Variants in ROR1 observed in about 807,000 individuals in gnomAD.
The protein encoded by ROR1 is inactive tyrosine-protein kinase transmembrane receptor ROR1.
Under a neutral mutation model 78.8 loss-of-function variants are expected in ROR1, and 19 were observed. That is an observed-to-expected ratio of 0.24 (90% confidence interval 0.17 to 0.35). The LOEUF is 0.35. Among genes scored for constraint, ROR1 ranks in the 10% least tolerant of loss-of-function variants. The pLI is 1.00. For missense variants in ROR1, 917 were observed against 1,177.8 expected (o/e 0.78, Z 3.24); for synonymous variants, 386 against 433.6 (o/e 0.89, Z 1.36).
chr1:64,000,556 C>T (rs915756331), intron 1 of ROR1, among the ~76,000 whole-genome samples: 1 of 152,152 alleles, frequency 6.6e-6, no homozygotes, highest in African/African-American at 2.4e-5. Context: ...CTAAGGAGAT[C>T]CTGCCTCCTT....
At chr1:63,977,261 C>T (rs926079309) in intron 1 of ROR1, among the ~76,000 whole-genome samples, 1 of 152,180 alleles carries the variant, frequency 6.6e-6, no homozygotes, top group Non-Finnish European at 1.5e-5. Flanking sequence ...CATATCAACA[C>T]CTTACACACA....
intron 2 of ROR1, among the ~76,000 whole-genome samples, chr1:64,037,547 G>A (rs1275773468): frequency 1.3e-5 from 2 of 152,104 alleles, no homozygotes; most frequent in East Asian, 3.9e-4. Context: ...AACTGGCTAG[G>A]CTCTATGGTT....
chr1:64,142,442 G>C lies in ROR1; in HGVS notation c.966G>C (p.Arg322=), dbSNP rs1649346600. The change falls in exon 7 of 9, where the codon CGG becomes CGC. Residue 322 remains arginine (R), a synonymous_variant. Transcript: ENST00000371079. ...ATAACAGCACAGGTGTGGACTACCGGGGGACCGTCAGTGTGACCAAATCAG... is the reference window on the plus strand; with the variant it reads ...ATAACAGCACAGGTGTGGACTACCGCGGGACCGTCAGTGTGACCAAATCAG... ...KCYNSTGVDY[R]GTVSVTKSGR... The C allele has an allele frequency of 6.2e-7, 1 of 1,613,970 alleles. No individual in the cohort carries two copies. The highest frequency in any genetic ancestry group is 1.3e-5 in the African/African-American group (1 of 74,894).
In ROR1 at chr1:64,140,430, A is replaced by T. The variant is rs1483129029; in HGVS notation, c.928+4A>T. On this transcript the variant is annotated splice_donor_region_variant and intron_variant, in intron 6 of 8. Transcript: ENST00000371079. ...ATGGCAGATCCTATAAATAAAAGTA[A>T]GTGGTAGCCCCTGACCTTCTGTGCT... 5 of 1,611,948 alleles carry T rather than the reference A, an allele frequency of 3.1e-6. No homozygotes were observed. The South Asian group carries it at 5.5e-5, about 18-fold the overall frequency.
chr1:64,172,485 T>C (rs1256180045), intron 8 of ROR1, among the ~76,000 whole-genome samples: 1 of 152,216 alleles, frequency 6.6e-6, no homozygotes, highest in African/African-American at 2.4e-5. Flanking sequence ...ACTGAAAGCC[T>C]GTTTCAGTTT....
chr1:63,943,053 G>A (rs855935), intron 1 of ROR1, among the ~76,000 whole-genome samples: 108,784 of 147,264 alleles, frequency 0.74, 41,287 homozygotes, highest in East Asian at 0.94. Context: ...TTACACCACC[G>A]CTGCACTCCA....
At chr1:63,920,649 T>C (rs1645646905) in intron 1 of ROR1, among the ~76,000 whole-genome samples, 1 of 152,172 alleles carries the variant, frequency 6.6e-6, no homozygotes, top group Non-Finnish European at 1.5e-5. Context: ...CTGCCAAACA[T>C]AGTTTACATA....
chr1:64,105,042 C>CT (rs1359754979), intron 4 of ROR1, among the ~76,000 whole-genome samples: 2 of 152,218 alleles, frequency 1.3e-5, no homozygotes, highest in Non-Finnish European at 2.9e-5. Context: ...GCTGTACTGT[C>CT]TTCCACAATG....
At chr1:63,966,530 T>C (rs1048146912) in intron 1 of ROR1, among the ~76,000 whole-genome samples, 12 of 152,144 alleles carry the variant, frequency 7.9e-5, no homozygotes, top group Non-Finnish European at 1.8e-4. Context: ...TAGTCTAAGG[T>C]GAGTTTTTAC....
chr1:63,953,210 T>C (rs1645954721), intron 1 of ROR1, among the ~76,000 whole-genome samples: 1 of 152,160 alleles, frequency 6.6e-6, no homozygotes, highest in African/African-American at 2.4e-5. Flanking sequence ...TCCTACCACT[T>C]ACTACTTGTG....
At chr1:64,053,228 A>C (rs1646847627) in intron 4 of ROR1, among the ~76,000 whole-genome samples, 1 of 152,204 alleles carries the variant, frequency 6.6e-6, no homozygotes, top group Non-Finnish European at 1.5e-5. Flanking sequence ...AACATTCAGA[A>C]CGTAAGGACT....
intron 4 of ROR1, among the ~76,000 whole-genome samples, chr1:64,070,689 T>C (rs1029931203): frequency 2.4e-4 from 36 of 152,190 alleles, no homozygotes; most frequent in Admixed American, 2.2e-3. Flanking sequence ...GGGGTTCATT[T>C]GCTCATTCAA....
intron 1 of ROR1, among the ~76,000 whole-genome samples, chr1:63,920,157 A>G (rs1645643118): frequency 6.6e-6 from 1 of 152,242 alleles, no homozygotes; most frequent in East Asian, 1.9e-4. Flanking sequence ...AGGATGGGAA[A>G]GTTCAAAGAA....
chr1:64,037,872 C>G (rs904336023), intron 2 of ROR1, among the ~76,000 whole-genome samples: 1 of 152,082 alleles, frequency 6.6e-6, no homozygotes, highest in Non-Finnish European at 1.5e-5. Flanking sequence ...GTGCCACACT[C>G]TCCCCAAAAC....
chr1:64,056,684 A>T lies in ROR1; in HGVS notation c.482+5968A>T, dbSNP rs528088773. ...GAGCAAGACTCTATCTCCAAAAAAAAAAAAAACAAACATTATTATAGCCAT... is the reference window on the plus strand; with the variant it reads ...GAGCAAGACTCTATCTCCAAAAAAATAAAAAACAAACATTATTATAGCCAT... On this transcript the variant is annotated intron_variant, in intron 4 of 8. Coordinates refer to ENST00000371079, the MANE Select transcript of ROR1 (RefSeq NM_005012.4). Among the ~76,000 whole-genome samples, 42 of 152,068 alleles carry T rather than the reference A, an allele frequency of 2.8e-4. 1 individual carries two copies. The South Asian group carries it at 8.1e-3, about 29-fold the overall frequency.
At chr1:64,107,231 C>G (rs41285390) in intron 4 of ROR1, among the ~76,000 whole-genome samples, 20,884 of 152,130 alleles carry the variant, frequency 0.14, 1,646 homozygotes, top group African/African-American at 0.19. Context: ...TTGCAGACGA[C>G]AAAAGTGAGG....
At chr1:64,145,439 T>C (rs967236699) in intron 7 of ROR1, among the ~76,000 whole-genome samples, 4 of 152,238 alleles carry the variant, frequency 2.6e-5, no homozygotes, top group African/African-American at 9.6e-5. Context: ...GTGACTTTAC[T>C]TGCAAAATGG....
intron 1 of ROR1, among the ~76,000 whole-genome samples, chr1:63,957,890 A>G (rs1402378204): frequency 6.6e-6 from 1 of 151,846 alleles, no homozygotes; most frequent in Non-Finnish European, 1.5e-5. Flanking sequence ...TTATAGGCTC[A>G]TGCCACCACA....
At chr1:63,912,415 C>A (rs1645578623) in intron 1 of ROR1, among the ~76,000 whole-genome samples, 1 of 152,046 alleles carries the variant, frequency 6.6e-6, no homozygotes, top group South Asian at 2.1e-4. Context: ...ACTCTAAATG[C>A]AGCATTTACA....
Sources: gnomAD v4.1 joint callset for allele counts (sites outside exome capture counted in the v4.1 genomes callset) on GRCh38, gnomAD v4.1.1 for gene constraint, MANE v1.5 for transcripts, NCBI Gene and HGNC (gene_info 2026-07-23, HGNC 2026-07-21) for gene names.